Variants in EIF2B3 observed in about 807,000 individuals in gnomAD.
EIF2B3 encodes translation initiation factor eIF2B subunit gamma.
In EIF2B3, 20 loss-of-function variants were observed where a neutral mutation model predicts 54.1. That is an observed-to-expected ratio of 0.37 (90% confidence interval 0.26 to 0.54). The LOEUF is 0.54. EIF2B3 is among the 20% of genes least tolerant of loss of function. The pLI, the probability that EIF2B3 is intolerant of heterozygous loss-of-function variation, is 0.86. For synonymous variants in EIF2B3, 153 were observed against 188.1 expected, an observed-to-expected ratio of 0.81 and a Z score of 1.52; for missense variants, 448 against 547.8, an observed-to-expected ratio of 0.82 and a Z score of 1.82.
intron 5 of EIF2B3, among the ~76,000 whole-genome samples, chr1:44,919,305 A>ACGGC (rs1643689386): frequency 6.6e-6 from 1 of 151,490 alleles, no homozygotes; most frequent in Non-Finnish European, 1.5e-5. Context: ...AGCTGAGATC[A>ACGGC]CGGCACTGCA....
intron 5 of EIF2B3, among the ~76,000 whole-genome samples, chr1:44,911,671 T>G (rs1329652997): frequency 6.6e-6 from 1 of 152,172 alleles, no homozygotes; most frequent in Non-Finnish European, 1.5e-5. Context: ...CAGAGAAACG[T>G]ATGAGTCTTG....
chr1:44,877,212 A>AAAAAAAAAC (rs1557666557), intron 8 of EIF2B3, among the ~76,000 whole-genome samples: 8 of 148,054 alleles, frequency 5.4e-5, no homozygotes, highest in African/African-American at 2.0e-4. Context: ...AAAAAAAAAA[A>AAAAAAAAAC]AAAAAAAAAA....
chr1:44,975,269 G>A (rs1233556468), intron 3 of EIF2B3, among the ~76,000 whole-genome samples: 5 of 152,062 alleles, frequency 3.3e-5, no homozygotes, highest in East Asian at 1.9e-4. Flanking sequence ...GAAATTAAGC[G>A]AAACTTAAAT....
chr1:44,971,617 C>A lies in EIF2B3; in HGVS notation c.294+6698G>T, dbSNP rs781616285. On this transcript the variant is annotated intron_variant, in intron 3 of 11. Coordinates refer to ENST00000360403, the MANE Select transcript of EIF2B3 (RefSeq NM_020365.5). ...TATAGAGCAAAGAAAGTTTACACAT[C>A]CATTCTAAACTTTTAGATGGTAGCT... Among the ~76,000 whole-genome samples the A allele has an allele frequency of 4.1e-4, 63 of 152,248 alleles. No homozygotes were observed. In the Middle Eastern group the frequency reaches 0.014, roughly 33 times the overall value.
chr1:44,953,151 TAA>T (rs551625310), intron 3 of EIF2B3, among the ~76,000 whole-genome samples: 5 of 131,762 alleles, frequency 3.8e-5, no homozygotes, highest in Non-Finnish European at 6.5e-5. Context: ...TCCATAAGTG[TAA>T]AAAAAAAAAA....
intron 10 of EIF2B3, among the ~76,000 whole-genome samples, chr1:44,870,918 G>C (rs1226031891): frequency 6.6e-6 from 1 of 152,060 alleles, no homozygotes; most frequent in Non-Finnish European, 1.5e-5. Flanking sequence ...AAAGTGCTGG[G>C]ACTACAGGCA....
chr1:44,966,163 G>A lies in EIF2B3; in HGVS notation c.294+12152C>T, dbSNP rs191016665. Among the ~76,000 whole-genome samples the A allele has an allele frequency of 2.6e-4, 40 of 152,186 alleles. 1 individual carries two copies. Among genetic ancestry groups the A allele is most frequent in the Admixed American group, 5.9e-4 (9 of 15,284 alleles). ...ACACTGTCTTTAAAAATGAAGGCCG[G>A]GCGCAGTGGCTCAGGCCTGTAATCC... On this transcript the variant is annotated intron_variant, in intron 3 of 11. Transcript: ENST00000360403.
At chr1:44,916,690 G>A (rs570606806) in intron 5 of EIF2B3, among the ~76,000 whole-genome samples, 1 of 150,892 alleles carries the variant, frequency 6.6e-6, no homozygotes, top group African/African-American at 2.4e-5. Flanking sequence ...AAATGTGGTG[G>A]TGCACACCCA....
chr1:44,975,585 G>C (rs1644445199), intron 3 of EIF2B3, among the ~76,000 whole-genome samples: 2 of 152,178 alleles, frequency 1.3e-5, no homozygotes, highest in Non-Finnish European at 2.9e-5. Context: ...AATCTTATGG[G>C]ACCACATATG....
chr1:44,926,716 C>G lies in EIF2B3; in HGVS notation c.478G>C (p.Val160Leu). Residue 160 changes from valine to leucine, a missense_variant, in exon 5 of 12, where the codon GTG becomes CTG. Val to Leu is a conservative substitution (Grantham distance 32, BLOSUM62 1). This residue lies in a region of EIF2B3 where 350 missense variants were observed against 414.2 expected (regional missense o/e 0.85). Transcript: ENST00000360403. ...AGCAGCCTCTTTCCTGTGCTGTCCA[C>G]TCCAATGAAGTCACGCTGCTCCACT... Reference protein sequence around the residue: ...KAVEQRDFIGVDSTGKRLLFM... With the variant: ...KAVEQRDFIGLDSTGKRLLFM... The G allele has an allele frequency of 6.2e-7, 1 of 1,613,736 alleles. No individual in the cohort carries two copies. Among genetic ancestry groups the G allele is most frequent in the Non-Finnish European group, 8.5e-7 (1 of 1,179,972 alleles).
chr1:44,870,159 G>C (rs1467614635), intron 10 of EIF2B3, among the ~76,000 whole-genome samples: 1 of 144,670 alleles, frequency 6.9e-6, no homozygotes, highest in African/African-American at 2.7e-5. Context: ...GGGACAAAGA[G>C]AGACCCCGTC....
At chr1:44,877,661 G>T (rs1335794553) in intron 8 of EIF2B3, among the ~76,000 whole-genome samples, 2 of 152,186 alleles carry the variant, frequency 1.3e-5, no homozygotes, top group Non-Finnish European at 2.9e-5. Context: ...TGAAGGGGAA[G>T]TTCACACTAT....
In EIF2B3 at chr1:44,981,082, T is replaced by C. The variant is rs1644507163; in HGVS notation, c.87A>G (p.Pro29=). 2.5e-6 allele frequency: 4 copies of C among 1,613,540 alleles called. No homozygotes were observed. Among genetic ancestry groups the C allele is most frequent in the Non-Finnish European group, 1.7e-6 (2 of 1,179,990 alleles). Residue 29 remains proline, a synonymous_variant, in exon 2 of 12, where the codon CCA becomes CCG. Coordinates refer to ENST00000360403, the MANE Select transcript of EIF2B3 (RefSeq NM_020365.5). ...ACCAAATTAAAGGTTTGTTCCCAACTGGAAGCAGAGGTTTGGGAATGCTGG... is the reference window on the plus strand; with the variant it reads ...ACCAAATTAAAGGTTTGTTCCCAACCGGAAGCAGAGGTTTGGGAATGCTGG... ...LTSSIPKPLL[P]VGNKPLIWYP...
intron 3 of EIF2B3, among the ~76,000 whole-genome samples, chr1:44,972,147 G>T (rs1418986054): frequency 6.6e-6 from 1 of 151,982 alleles, no homozygotes; most frequent in Non-Finnish European, 1.5e-5. Flanking sequence ...CCAGCACTTT[G>T]GGAGGCCAAG....
At chr1:44,893,283 C>T (rs879275701) in intron 6 of EIF2B3, among the ~76,000 whole-genome samples, 1 of 152,182 alleles carries the variant, frequency 6.6e-6, no homozygotes, top group Non-Finnish European at 1.5e-5. Flanking sequence ...CTGACCTTGC[C>T]ATGGCTGCCT....
At chr1:44,859,047 C>T (rs189338686) in intron 10 of EIF2B3, among the ~76,000 whole-genome samples, 18 of 152,278 alleles carry the variant, frequency 1.2e-4, no homozygotes, top group Non-Finnish European at 2.4e-4. Flanking sequence ...CCCTGTAATA[C>T]CAGCACTTTG....
intron 3 of EIF2B3, among the ~76,000 whole-genome samples, chr1:44,948,807 C>G (rs1351418080): frequency 6.6e-6 from 1 of 152,012 alleles, no homozygotes; most frequent in Non-Finnish European, 1.5e-5. Flanking sequence ...ATTCAGTCTT[C>G]TCTCCCCCAA....
intron 11 of EIF2B3, among the ~76,000 whole-genome samples, chr1:44,856,479 T>G (rs1654437616): frequency 6.8e-6 from 1 of 146,776 alleles, no homozygotes; most frequent in Non-Finnish European, 1.5e-5. Flanking sequence ...AGCACTACTG[T>G]ACTCCAGCCT....
At chr1:44,934,301 G>A (rs1348616138) in intron 4 of EIF2B3, among the ~76,000 whole-genome samples, 2 of 151,988 alleles carry the variant, frequency 1.3e-5, no homozygotes, top group Non-Finnish European at 2.9e-5. Context: ...GGGAGGCTGA[G>A]GCAGGAGAAT....
Sources: allele counts gnomAD v4.1 joint callset (sites outside exome capture counted in the v4.1 genomes callset), GRCh38; gene constraint gnomAD v4.1.1; regional missense constraint gnomAD v4.1.1; transcripts MANE v1.5; gene names NCBI Gene and HGNC (gene_info 2026-07-23, HGNC 2026-07-21).